The following INSYN2A variants were observed in gnomAD, a reference collection of about 807,000 sequenced individuals.
The protein encoded by INSYN2A is family with sequence similarity 196 member A.
INSYN2A carries 17 observed loss-of-function variants against 39.4 expected under a neutral mutation model. The observed-to-expected ratio is 0.43, with a 90% confidence interval of 0.30 to 0.65. INSYN2A has a LOEUF of 0.65. Among genes scored for constraint, INSYN2A ranks in the 30% least tolerant of loss-of-function variants. INSYN2A has a pLI of 0.14. For synonymous variants in INSYN2A, 255 were observed against 265.7 expected (o/e 0.96, Z 0.39); for missense variants, 595 against 631.2 (o/e 0.94, Z 0.61).
chr10:127,195,523 TC>T (rs144810960), intron 1 of INSYN2A, among the ~76,000 whole-genome samples: 40 of 148,254 alleles, frequency 2.7e-4, no homozygotes, highest in East Asian at 6.0e-4. Context: ...TTCCAACTCA[TC>T]CCCCCCCCGA....
At chr10:127,191,091 T>G (rs1434913038) in intron 2 of INSYN2A, among the ~76,000 whole-genome samples, 1 of 152,164 alleles carries the variant, frequency 6.6e-6, no homozygotes, top group Non-Finnish European at 1.5e-5. Flanking sequence ...CATACAAGTC[T>G]GTAGCCCTGA....
chr10:127,144,993 A>G (rs1295577918), intron 5 of INSYN2A, among the ~76,000 whole-genome samples: 4 of 152,198 alleles, frequency 2.6e-5, no homozygotes, highest in Admixed American at 1.3e-4. Context: ...TGTATATTTT[A>G]CTATGAAGGA....
chr10:127,182,012 AG>A (rs2055783015), intron 2 of INSYN2A, among the ~76,000 whole-genome samples: 1 of 152,170 alleles, frequency 6.6e-6, no homozygotes, highest in African/African-American at 2.4e-5. Context: ...AGGACCAAAA[AG>A]GGGTGACTGG....
At chr10:127,194,755 TGCTATCCTGA>T (rs1360936571) in intron 1 of INSYN2A, among the ~76,000 whole-genome samples, 1 of 152,192 alleles carries the variant, frequency 6.6e-6, no homozygotes, top group Admixed American at 6.5e-5. Flanking sequence ...GTCTACCCTG[TGCTATCCTGA>T]GCTGTAGTCT....
chr10:127,165,009 T>C (rs1386710310), intron 4 of INSYN2A, among the ~76,000 whole-genome samples: 2 of 152,212 alleles, frequency 1.3e-5, no homozygotes, highest in Admixed American at 1.3e-4. Context: ...TATTGAAAAT[T>C]AATGAAAATG....
chr10:127,144,793 C>A (rs571333071), intron 5 of INSYN2A, among the ~76,000 whole-genome samples: 21 of 152,184 alleles, frequency 1.4e-4, no homozygotes, highest in African/African-American at 4.8e-4. Context: ...CTTCCTTTAC[C>A]ACTATTTTAC....
In INSYN2A at chr10:127,166,361, G is replaced by A. The variant is rs141332068; in HGVS notation, c.1184+8851C>T. Among the ~76,000 whole-genome samples, 123 of 151,854 alleles carry A rather than the reference G, an allele frequency of 8.1e-4. 2 individuals are homozygous for A. In the East Asian group the frequency reaches 0.019, roughly 23 times the overall value. ...ATTACAGGCGTGAGCCACCGCGCCC[G>A]GCCCAAAAAAATGCCTGCATTTTCA... On this transcript the variant is annotated intron_variant, in intron 4 of 5. Coordinates refer to ENST00000522781, the MANE Select transcript of INSYN2A (RefSeq NM_001039762.3).
At chr10:127,170,713 T>C (rs1011568371) in intron 4 of INSYN2A, among the ~76,000 whole-genome samples, 3 of 152,176 alleles carry the variant, frequency 2.0e-5, no homozygotes, top group Admixed American at 6.5e-5. Context: ...GTTCTAATAA[T>C]TGATTGGGTT....
chr10:127,141,412 G>A (rs2051228749), intron 5 of INSYN2A, among the ~76,000 whole-genome samples: 1 of 152,104 alleles, frequency 6.6e-6, no homozygotes, highest in Non-Finnish European at 1.5e-5. Flanking sequence ...GTCTTAAAAG[G>A]CAAATTCTGG....
chr10:127,144,610 T>G lies in INSYN2A; in HGVS notation c.1257-6590A>C, dbSNP rs2051612699. The stretch of plus-strand genomic sequence containing the variant: ...CTGTTTTCATTTAAAATTTATACAT[T>G]TGTATAATTCTATTTATTCTGTCTA... On this transcript the variant is annotated intron_variant, in intron 5 of 5. Coordinates refer to ENST00000522781, the MANE Select transcript of INSYN2A (RefSeq NM_001039762.3). Among the ~76,000 whole-genome samples the G allele has an allele frequency of 2.0e-5, 3 of 152,258 alleles. No homozygotes were observed. The South Asian group carries it at 6.2e-4, about 31-fold the overall frequency.
intron 4 of INSYN2A, among the ~76,000 whole-genome samples, chr10:127,161,846 T>G (rs1395672618): frequency 6.6e-6 from 1 of 152,204 alleles, no homozygotes; most frequent in Non-Finnish European, 1.5e-5. Context: ...GAATGATGAA[T>G]GAAGGAACAA....
At chr10:127,195,717 C>T (rs2057076938) in intron 1 of INSYN2A, among the ~76,000 whole-genome samples, 1 of 152,238 alleles carries the variant, frequency 6.6e-6, no homozygotes, top group African/African-American at 2.4e-5. Context: ...CAGCCCCGCT[C>T]CTCCCTGACG....
intron 2 of INSYN2A, among the ~76,000 whole-genome samples, chr10:127,186,107 A>G (rs1458106014): frequency 6.6e-6 from 1 of 152,156 alleles, no homozygotes; most frequent in Admixed American, 6.5e-5. Flanking sequence ...AGGATGAATC[A>G]CTGGCTTTCA....
In INSYN2A at chr10:127,137,737, G is replaced by T; in HGVS notation, c.*100C>A. On this transcript the variant is annotated 3_prime_UTR_variant, in exon 6 of 6. Transcript: ENST00000522781. ...GGCGAGAAGTGGGAGGTGCCTGAAT[G>T]GGCACCACAGTTCCCTCGATCCTAT... 2 of 1,112,996 alleles carry T rather than the reference G, an allele frequency of 1.8e-6. No individual in the cohort carries two copies. Among genetic ancestry groups the T allele is most frequent in the Non-Finnish European group, 2.6e-6 (2 of 782,134 alleles). The allele number at this position is 1,112,996 out of a possible 1,614,324, so 68.9% of individuals were successfully genotyped here. A position where few individuals can be genotyped will look rare whatever the true frequency, so the allele number is the denominator to read the frequency against.
intron 4 of INSYN2A, among the ~76,000 whole-genome samples, chr10:127,155,209 T>A (rs2052920900): frequency 6.6e-6 from 1 of 152,196 alleles, no homozygotes; most frequent in Non-Finnish European, 1.5e-5. Flanking sequence ...CTTCTCTGCA[T>A]CATGGGTTTT....
In INSYN2A at chr10:127,137,745, C is replaced by G; in HGVS notation, c.*92G>C. On this transcript the variant is annotated 3_prime_UTR_variant, in exon 6 of 6. Coordinates refer to ENST00000522781, the MANE Select transcript of INSYN2A (RefSeq NM_001039762.3). ...GTGGGAGGTGCCTGAATGGGCACCACAGTTCCCTCGATCCTATTCATTTTG... is the reference window on the plus strand; with the variant it reads ...GTGGGAGGTGCCTGAATGGGCACCAGAGTTCCCTCGATCCTATTCATTTTG... 8.0e-7 allele frequency: 1 copy of G among 1,251,308 alleles called. No individual in the cohort carries two copies. The highest frequency in any genetic ancestry group is 1.1e-6 in the Non-Finnish European group (1 of 902,810). The allele number at this position is 1,251,308 out of a possible 1,614,324, so 77.5% of individuals were successfully genotyped here.
chr10:127,150,901 G>T (rs1013211902), intron 5 of INSYN2A, among the ~76,000 whole-genome samples: 4 of 152,182 alleles, frequency 2.6e-5, no homozygotes, highest in African/African-American at 9.7e-5. Context: ...ACTGTAGTGG[G>T]GGTGCCACAT....
intron 2 of INSYN2A, among the ~76,000 whole-genome samples, chr10:127,188,475 A>G (rs1046347867): frequency 2.0e-5 from 3 of 152,130 alleles, no homozygotes; most frequent in Non-Finnish European, 4.4e-5. Flanking sequence ...GCTCTTTTCA[A>G]CCATGGATCT....
chr10:127,146,568 T>C (rs2051873737), intron 5 of INSYN2A, among the ~76,000 whole-genome samples: 1 of 152,148 alleles, frequency 6.6e-6, no homozygotes, highest in African/African-American at 2.4e-5. Context: ...CAGAATAACA[T>C]TGTGTATGTA....
Sources: gnomAD v4.1 joint callset for allele counts (sites outside exome capture counted in the v4.1 genomes callset) on GRCh38, gnomAD v4.1.1 for gene constraint, MANE v1.5 for transcripts, NCBI Gene and HGNC (gene_info 2026-07-23, HGNC 2026-07-21) for gene names.